PPP2R2C: variants seen among roughly 807,000 people sequenced by gnomAD.
PPP2R2C encodes protein phosphatase 2, regulatory subunit B, gamma.
PPP2R2C carries 10 observed loss-of-function variants against 45.3 expected under a neutral mutation model. That is an observed-to-expected ratio of 0.22 (90% CI 0.14 to 0.37). PPP2R2C has a LOEUF of 0.37. PPP2R2C is among the 10% of genes least tolerant of loss of function. The pLI, the probability that PPP2R2C is intolerant of heterozygous loss-of-function variation, is 1.00. For synonymous variants in PPP2R2C, 257 were observed against 245.4 expected, an observed-to-expected ratio of 1.05 and a Z score of -0.44; for missense variants, 308 against 619.7, an observed-to-expected ratio of 0.50 and a Z score of 5.34.
chr4:6,533,264 T>C (rs1483422706), intron 2 of PPP2R2C, among the ~76,000 whole-genome samples: 1 of 152,146 alleles, frequency 6.6e-6, no homozygotes, highest in Non-Finnish European at 1.5e-5. Flanking sequence ...TACAAGTTGG[T>C]CACAGCCAAA....
At chr4:6,446,657 C>G (rs888293592) in intron 1 of PPP2R2C, among the ~76,000 whole-genome samples, 1 of 152,082 alleles carries the variant, frequency 6.6e-6, no homozygotes, top group Non-Finnish European at 1.5e-5. Context: ...TCCGAGTTCC[C>G]TGCCTCCAAG....
At chr4:6,449,743 C>A (rs751742219) in intron 1 of PPP2R2C, among the ~76,000 whole-genome samples, 3 of 152,250 alleles carry the variant, frequency 2.0e-5, no homozygotes, top group Admixed American at 6.5e-5. Flanking sequence ...AAATGGGTTC[C>A]ATCCCGCACA....
Position 6,372,712 on chromosome 4 carries a change from G to A in PPP2R2C, c.448-12C>T, listed in dbSNP as rs1332938366. 1.2e-6 allele frequency: 2 copies of A among 1,612,700 alleles called. No individual in the cohort carries two copies. Among genetic ancestry groups the A allele is most frequent in the African/African-American group, 1.3e-5 (1 of 75,048 alleles). The stretch of plus-strand genomic sequence containing the variant: ...TTCAGCACTGGCACCTGCAGAGGAT[G>A]AGGAGGCAGGGAAGAGGTGAAGGCC... On this transcript the variant is annotated splice_polypyrimidine_tract_variant and intron_variant, in intron 4 of 8. Coordinates refer to ENST00000382599, the MANE Select transcript of PPP2R2C (RefSeq NM_020416.4).
At chr4:6,437,450 C>T (rs1719948508) in intron 1 of PPP2R2C, among the ~76,000 whole-genome samples, 1 of 152,210 alleles carries the variant, frequency 6.6e-6, no homozygotes, top group Non-Finnish European at 1.5e-5. Flanking sequence ...GGGGGAACTA[C>T]AGCCAGAGCG....
chr4:6,392,907 G>A (rs568932038), intron 1 of PPP2R2C, among the ~76,000 whole-genome samples: 7 of 152,316 alleles, frequency 4.6e-5, no homozygotes, highest in African/African-American at 1.7e-4. Context: ...CCCTCACTGG[G>A]CAGGCAGCGA....
At chr4:6,386,104 A>C (rs1221543064) in intron 1 of PPP2R2C, among the ~76,000 whole-genome samples, 2 of 152,192 alleles carry the variant, frequency 1.3e-5, no homozygotes, top group South Asian at 4.1e-4. Flanking sequence ...ATAACTATAG[A>C]CTATAAACCC....
intron 6 of PPP2R2C, among the ~76,000 whole-genome samples, chr4:6,341,338 CAAAAAAAAAA>C (rs10604483): frequency 1.1e-5 from 1 of 91,296 alleles, no homozygotes; most frequent in African/African-American, 3.6e-5. Context: ...GACTCCATTT[CAAAAAAAAAA>C]AAAAAAAAAA....
intron 1 of PPP2R2C, among the ~76,000 whole-genome samples, chr4:6,538,976 C>G (rs1435951141): frequency 6.6e-6 from 1 of 152,184 alleles, no homozygotes; most frequent in African/African-American, 2.4e-5. Flanking sequence ...GACTTTCCAC[C>G]AGGAAGGGCT....
intron 1 of PPP2R2C, among the ~76,000 whole-genome samples, chr4:6,447,548 C>T (rs1036669358): frequency 7.1e-6 from 1 of 141,074 alleles, no homozygotes; most frequent in Admixed American, 7.0e-5. Flanking sequence ...ACTCACATGC[C>T]AGCAAAGATG....
chr4:6,442,936 T>C (rs901627516), intron 1 of PPP2R2C, among the ~76,000 whole-genome samples: 2 of 152,188 alleles, frequency 1.3e-5, no homozygotes, highest in Non-Finnish European at 2.9e-5. Context: ...GGGGCACCCA[T>C]TCCCCCCATC....
In PPP2R2C at chr4:6,557,648, G is replaced by A. The variant is rs4689482; in HGVS notation, c.-59+5912C>T. ...GGAAAAAGGCTGCTGTGTAGTGAGC[G>A]CTGTGGAGATGGGCACAGCAGAGGT... On this transcript the variant is annotated intron_variant, in intron 1 of 9. Coordinates refer to the PPP2R2C transcript ENST00000506140. Among the ~76,000 whole-genome samples the A allele has an allele frequency of 8.0e-3, 1,211 of 152,310 alleles. 23 individuals carry two copies. Among genetic ancestry groups the A allele is most frequent in the East Asian group, 0.047 (241 of 5,182 alleles).
At chr4:6,547,773 C>A (rs758514497) in intron 1 of PPP2R2C, among the ~76,000 whole-genome samples, 1 of 152,108 alleles carries the variant, frequency 6.6e-6, no homozygotes, top group Non-Finnish European at 1.5e-5. Flanking sequence ...AAAAACGCAA[C>A]GGGACACAGG....
chr4:6,483,141 AGATTGATTGATT>A (rs57045507), intron 2 of PPP2R2C, among the ~76,000 whole-genome samples: 1 of 88,234 alleles, frequency 1.1e-5, no homozygotes, highest in Non-Finnish European at 2.5e-5. Context: ...ATAGATAGAT[AGATTGATTGATT>A]GATAGATAGA....
intron 5 of PPP2R2C, among the ~76,000 whole-genome samples, chr4:6,352,304 C>A (rs567444506): frequency 1.4e-4 from 22 of 152,300 alleles, no homozygotes; most frequent in African/African-American, 4.8e-4. Flanking sequence ...GCCTTGCTTT[C>A]CCCATCTGCA....
At chr4:6,423,023 C>T (rs1719075550) in intron 1 of PPP2R2C, among the ~76,000 whole-genome samples, 1 of 152,126 alleles carries the variant, frequency 6.6e-6, no homozygotes, top group Non-Finnish European at 1.5e-5. Context: ...TCATCGCATC[C>T]CAGGGCCACA....
At chr4:6,551,131 C>T (rs1456851274) in intron 1 of PPP2R2C, among the ~76,000 whole-genome samples, 4 of 152,206 alleles carry the variant, frequency 2.6e-5, no homozygotes, top group Non-Finnish European at 5.9e-5. Flanking sequence ...GAGCCTCTTC[C>T]CCTTTTGTGC....
chr4:6,462,866 A>T (rs1721400451), intron 1 of PPP2R2C, among the ~76,000 whole-genome samples: 1 of 152,224 alleles, frequency 6.6e-6, no homozygotes, highest in Non-Finnish European at 1.5e-5. Flanking sequence ...CAAGATCTTG[A>T]TAGATTGGAA....
At chr4:6,477,532 C>G (rs896651662), upstream of PPP2R2C, among the ~76,000 whole-genome samples, 80 of 152,150 alleles carry the variant, frequency 5.3e-4, no homozygotes, top group African/African-American at 1.8e-3. Flanking sequence ...CAAGACCATC[C>G]TGGCTAACAC....
intron 1 of PPP2R2C, 124 bp from the exon 2 acceptor site, chr4:6,381,218 G>A (rs867112345): frequency 1.3e-6 from 2 of 1,540,566 alleles, no homozygotes; most frequent in African/African-American, 1.4e-5. Context: ...TGGGCAGGAG[G>A]CAGCAGGGAG....
Sources: gnomAD v4.1 joint callset for allele counts (sites outside exome capture counted in the v4.1 genomes callset) on GRCh38, gnomAD v4.1.1 for gene constraint, MANE v1.5 for transcripts, NCBI Gene and HGNC (gene_info 2026-07-23, HGNC 2026-07-21) for gene names.